DLG2: variants seen among roughly 807,000 people sequenced by gnomAD.
DLG2 encodes discs large MAGUK scaffold protein 2.
A neutral mutation model predicts 132.5 loss-of-function variants in DLG2; 45 were observed. The observed-to-expected ratio is 0.34, with a 90% CI of 0.27 to 0.44. The LOEUF (loss-of-function observed/expected upper bound fraction) is 0.44, where lower values mean the gene tolerates loss of function less well. Ranked by LOEUF, DLG2 falls within the 20% of genes least tolerant of loss-of-function variation. DLG2 has a pLI of 1.00. For missense variants in DLG2, 1,045 were observed against 1,196.9 expected (o/e 0.87, Z 1.87); for synonymous variants, 424 against 419.6 (o/e 1.01, Z -0.13).
chr11:83,757,531 A>G (rs919781427), intron 18 of DLG2, among the ~76,000 whole-genome samples: 6 of 152,214 alleles, frequency 3.9e-5, no homozygotes, highest in African/African-American at 1.4e-4. Context: ...ACCATGTTGT[A>G]AAGCAAACTG....
intron 9 of DLG2, among the ~76,000 whole-genome samples, chr11:84,124,847 C>CTT (rs34177526): frequency 0.033 from 3,987 of 121,120 alleles, 135 homozygotes; most frequent in Non-Finnish European, 0.044. Context: ...CTTGTTTTCA[C>CTT]TTTTTTTTTT....
chr11:85,377,803 ATGTGTGTGTG>A, intron 3 of DLG2, among the ~76,000 whole-genome samples: 1 of 131,308 alleles, frequency 7.6e-6, no homozygotes, highest in East Asian at 2.2e-4. Context: ...ATATATATAT[ATGTGTGTGTG>A]TGTGTGTGTG....
chr11:83,572,500 G>T (rs2096813505), intron 19 of DLG2, among the ~76,000 whole-genome samples: 1 of 152,086 alleles, frequency 6.6e-6, no homozygotes, highest in Non-Finnish European at 1.5e-5. Context: ...GAGCTTCTAA[G>T]AAAAAAGTAA....
intron 3 of DLG2, among the ~76,000 whole-genome samples, chr11:85,343,634 A>T (rs488418): frequency 7.6e-4 from 115 of 151,566 alleles, no homozygotes; most frequent in South Asian, 1.7e-3. Flanking sequence ...TCTCTCTCTC[A>T]CACACACACA....
At chr11:84,675,145 C>A (rs1241026437) in intron 6 of DLG2, among the ~76,000 whole-genome samples, 1 of 152,104 alleles carries the variant, frequency 6.6e-6, no homozygotes, top group Non-Finnish European at 1.5e-5. Flanking sequence ...AACCCTGCGG[C>A]CCCCTCTATC....
chr11:84,853,438 AT>A (rs1233903805), intron 6 of DLG2, among the ~76,000 whole-genome samples: 1 of 152,008 alleles, frequency 6.6e-6, no homozygotes, highest in Admixed American at 6.6e-5. Context: ...ACAATTTCTT[AT>A]TTGTCTTGTT....
chr11:83,752,103 C>T (rs1419517330), intron 18 of DLG2, among the ~76,000 whole-genome samples: 2 of 152,020 alleles, frequency 1.3e-5, no homozygotes, highest in Non-Finnish European at 2.9e-5. Flanking sequence ...CCCGTCTCTA[C>T]TAAAAATAGA....
At chr11:84,192,815 C>T (rs1268026035) in intron 8 of DLG2, among the ~76,000 whole-genome samples, 1 of 152,066 alleles carries the variant, frequency 6.6e-6, no homozygotes, top group African/African-American at 2.4e-5. Flanking sequence ...ACTATATTGA[C>T]ATCTCAGAGG....
chr11:85,102,340 A>C (rs190364502), intron 6 of DLG2, among the ~76,000 whole-genome samples: 132 of 152,122 alleles, frequency 8.7e-4, no homozygotes, highest in Non-Finnish European at 2.5e-4. Context: ...ACCCAGAGTA[A>C]ATATAAAGTC....
At chr11:84,829,756 C>G (rs746896840) in intron 6 of DLG2, among the ~76,000 whole-genome samples, 4 of 151,560 alleles carry the variant, frequency 2.6e-5, no homozygotes, top group Non-Finnish European at 5.9e-5. Context: ...TCAATAAGTG[C>G]TAGTTAAATC....
intron 3 of DLG2, among the ~76,000 whole-genome samples, chr11:85,402,133 C>T (rs1051036904): frequency 2.6e-5 from 4 of 152,054 alleles, no homozygotes; most frequent in African/African-American, 4.8e-5. Flanking sequence ...GGCACTGGTA[C>T]CAAAACAGAG....
chr11:84,582,605 T>C (rs1317430900), intron 6 of DLG2, among the ~76,000 whole-genome samples: 1 of 151,362 alleles, frequency 6.6e-6, no homozygotes, highest in Non-Finnish European at 1.5e-5. Context: ...TAATTACATG[T>C]TGACAATAAA....
At chr11:85,258,223 G>A (rs2076764784) in intron 4 of DLG2, among the ~76,000 whole-genome samples, 1 of 152,064 alleles carries the variant, frequency 6.6e-6, no homozygotes, top group Admixed American at 6.6e-5. Flanking sequence ...TATCAAATAT[G>A]ATTATTTTGA....
At chr11:85,427,602 G>A (rs1206881739) in intron 3 of DLG2, among the ~76,000 whole-genome samples, 5 of 152,144 alleles carry the variant, frequency 3.3e-5, no homozygotes, top group African/African-American at 1.2e-4. Context: ...CACCAGCCCT[G>A]CCCTAAAAGA....
At chr11:83,831,542 G>A (rs954502229) in intron 17 of DLG2, among the ~76,000 whole-genome samples, 2 of 152,108 alleles carry the variant, frequency 1.3e-5, no homozygotes, top group Admixed American at 6.6e-5. Context: ...CAGAGAGAGA[G>A]AGAGAGAGAG....
At chr11:85,470,051 C>T (rs182376392) in intron 3 of DLG2, among the ~76,000 whole-genome samples, 13 of 152,146 alleles carry the variant, frequency 8.5e-5, no homozygotes, top group Admixed American at 6.5e-5. Flanking sequence ...TCACTCACTC[C>T]TATCCATCCA....
chr11:85,302,667 A>T (rs910644770), intron 3 of DLG2, among the ~76,000 whole-genome samples: 1 of 150,638 alleles, frequency 6.6e-6, no homozygotes, highest in African/African-American at 2.4e-5. Flanking sequence ...AAAAAAAAAC[A>T]GTCAGTTAGT....
chr11:84,208,420 G>A (rs946960154), intron 8 of DLG2, among the ~76,000 whole-genome samples: 11 of 147,908 alleles, frequency 7.4e-5, no homozygotes, highest in Non-Finnish European at 1.2e-4. Flanking sequence ...CTCAGCCTAC[G>A]GCAACCTCTG....
chr11:84,855,895 G>A (rs774262149), intron 6 of DLG2, among the ~76,000 whole-genome samples: 3 of 151,948 alleles, frequency 2.0e-5, no homozygotes, highest in Admixed American at 6.6e-5. Context: ...AAAGAAACGT[G>A]GAAATTTCAT....
Sources: allele counts gnomAD v4.1 joint callset (sites outside exome capture counted in the v4.1 genomes callset), GRCh38; gene constraint gnomAD v4.1.1; transcripts MANE v1.5; gene names NCBI Gene and HGNC (gene_info 2026-07-23, HGNC 2026-07-21).